Variants in KLF12 observed in about 807,000 individuals in gnomAD.
KLF12 encodes KLF transcription factor 12, also known as Krueppel-like factor 12.
A neutral mutation model predicts 37.8 loss-of-function variants in KLF12; 9 were observed. The ratio of observed to expected loss-of-function variants is 0.24; its 90% CI spans 0.14 to 0.42. The LOEUF is 0.42. KLF12 is among the 10% of genes least tolerant of loss of function. KLF12 has a pLI of 1.00. For synonymous variants in KLF12, 208 were observed against 202.1 expected, an observed-to-expected ratio of 1.03 and a Z score of -0.25; for missense variants, 411 against 516.0, an observed-to-expected ratio of 0.80 and a Z score of 1.97.
the KLF12 span, among the ~76,000 whole-genome samples, chr13:74,167,651 G>A: frequency 6.6e-6 from 1 of 152,314 alleles, no homozygotes; most frequent in Admixed American, 6.5e-5. Flanking sequence ...TATCAACCAA[G>A]TAGCTAACAT....
chr13:73,735,738 T>C (rs1359257153), intron 6 of KLF12, among the ~76,000 whole-genome samples: 1 of 152,204 alleles, frequency 6.6e-6, no homozygotes, highest in Admixed American at 6.5e-5. Flanking sequence ...TCAAGCACTG[T>C]CTATTTGCTA....
intron 6 of KLF12, among the ~76,000 whole-genome samples, chr13:73,725,737 GA>G (rs1876610600): frequency 1.3e-5 from 2 of 152,052 alleles, no homozygotes; most frequent in South Asian, 4.1e-4. Context: ...CTTGTAGTCT[GA>G]AAATACAAAC....
At chr13:73,697,049 A>G (rs1268585227) in intron 7 of KLF12, among the ~76,000 whole-genome samples, 1 of 151,856 alleles carries the variant, frequency 6.6e-6, no homozygotes, top group Non-Finnish European at 1.5e-5. Context: ...AGCCTAGAAT[A>G]GCTGCCAAGC....
chr13:73,962,017 G>C (rs1303077723), intron 2 of KLF12: 1 of 454,784 alleles, frequency 2.2e-6, no homozygotes, highest in Admixed American at 2.4e-5. Context: ...CTGAAATTAT[G>C]TCCATGCAAC....
chr13:74,221,889 A>G, the KLF12 span, among the ~76,000 whole-genome samples: 1 of 152,154 alleles, frequency 6.6e-6, no homozygotes, highest in Admixed American at 6.5e-5. Context: ...CAGATCATAC[A>G]GGCAAGAAGA....
intron 2 of KLF12, among the ~76,000 whole-genome samples, chr13:73,982,524 T>C (rs1387503618): frequency 2.0e-5 from 3 of 152,208 alleles, no homozygotes; most frequent in African/African-American, 7.2e-5. Context: ...AAGACAACTG[T>C]CAGAAAGGAT....
intron 3 of KLF12, among the ~76,000 whole-genome samples, chr13:73,889,282 C>T (rs1405123052): frequency 6.6e-6 from 1 of 152,180 alleles, no homozygotes; most frequent in African/African-American, 2.4e-5. Flanking sequence ...TATGTGCATA[C>T]ATAGCGCCAA....
intron 3 of KLF12, among the ~76,000 whole-genome samples, chr13:73,927,724 C>A (rs9530260): frequency 6.7e-6 from 1 of 150,280 alleles, no homozygotes. Flanking sequence ...ACTACAGGTG[C>A]GTGCCACCAC....
chr13:74,245,432 G>A, the KLF12 span, among the ~76,000 whole-genome samples: 1 of 152,072 alleles, frequency 6.6e-6, no homozygotes, highest in African/African-American at 2.4e-5. Context: ...TAGGATCAGA[G>A]AGAGAAATTG....
chr13:74,131,697 C>T (rs1265754471), intron 1 of KLF12, among the ~76,000 whole-genome samples: 4 of 152,026 alleles, frequency 2.6e-5, no homozygotes, highest in Admixed American at 2.6e-4. Context: ...TAAACAGAAA[C>T]CCTCAAGAAT....
the KLF12 span, among the ~76,000 whole-genome samples, chr13:74,270,739 C>A: frequency 6.6e-6 from 1 of 152,028 alleles, no homozygotes; most frequent in Non-Finnish European, 1.5e-5. Context: ...GGTAGATGTG[C>A]GGGTAGCCTG....
At chr13:73,819,213 C>T (rs575415008) in intron 4 of KLF12, among the ~76,000 whole-genome samples, 34 of 152,118 alleles carry the variant, frequency 2.2e-4, no homozygotes, top group Non-Finnish European at 4.6e-4. Context: ...GATTTTGCAC[C>T]GGGAATCTTC....
At chr13:74,103,422 A>G (rs913245923) in intron 1 of KLF12, among the ~76,000 whole-genome samples, 4 of 152,198 alleles carry the variant, frequency 2.6e-5, no homozygotes, top group Non-Finnish European at 5.9e-5. Context: ...TATCATCAGC[A>G]GTGCAGCACG....
the KLF12 span, chr13:74,259,451 A>C: frequency 5.3e-5 from 8 of 152,238 alleles, no homozygotes; most frequent in Non-Finnish European, 7.3e-5. Context: ...TTCTTCACTC[A>C]GGTGTTTCTT....
intron 3 of KLF12, among the ~76,000 whole-genome samples, chr13:73,896,885 C>G (rs1377859507): frequency 6.6e-6 from 1 of 152,102 alleles, no homozygotes; most frequent in Admixed American, 6.5e-5. Context: ...ACGTTGAAGA[C>G]TTTCCTTTTA....
the KLF12 span, among the ~76,000 whole-genome samples, chr13:74,292,381 A>G: frequency 1.3e-5 from 2 of 152,212 alleles, no homozygotes; most frequent in African/African-American, 4.8e-5. Flanking sequence ...GATTGTGAGA[A>G]TGAGACTGAA....
the KLF12 span, among the ~76,000 whole-genome samples, chr13:74,210,016 T>C: frequency 1.3e-5 from 2 of 152,352 alleles, no homozygotes; most frequent in African/African-American, 2.4e-5. Context: ...AGATACTGCA[T>C]ATGTATGAAT....
chr13:74,267,437 G>A, the KLF12 span, among the ~76,000 whole-genome samples: 2 of 152,190 alleles, frequency 1.3e-5, no homozygotes, highest in Non-Finnish European at 2.9e-5. Flanking sequence ...ATGGCAACAT[G>A]GATGAGCCTG....
At chr13:74,278,810 C>T in the KLF12 span, among the ~76,000 whole-genome samples, 1 of 152,166 alleles carries the variant, frequency 6.6e-6, no homozygotes, top group Non-Finnish European at 1.5e-5. Flanking sequence ...TAGTTTCAGG[C>T]CTCAGCCAAA....
Sources: allele counts gnomAD v4.1 joint callset (sites outside exome capture counted in the v4.1 genomes callset), GRCh38; gene constraint gnomAD v4.1.1; transcripts MANE v1.5; gene names NCBI Gene and HGNC (gene_info 2026-07-23, HGNC 2026-07-21).